The following CYP24A1 variants were observed in gnomAD, a reference collection of about 807,000 sequenced individuals.
The protein encoded by CYP24A1 is 1,25-dihydroxyvitamin D(3) 24-hydroxylase, mitochondrial.
Under a neutral mutation model 62.4 loss-of-function variants are expected in CYP24A1, and 68 were observed. That is an observed-to-expected ratio of 1.09 (90% CI 0.90 to 1.33). The LOEUF is 1.33. Ranked by LOEUF, CYP24A1 falls within the 40% of genes most tolerant of loss-of-function variation. CYP24A1 has a pLI of 0.00. For synonymous variants in CYP24A1, 267 were observed against 253.0 expected (o/e 1.06, Z -0.52); for missense variants, 787 against 653.0 (o/e 1.21, Z -2.24).
In CYP24A1 at chr20:54,173,135, C is replaced by T. The variant is rs956222171; in HGVS notation, c.259-36G>A. On this transcript the variant is annotated intron_variant, in intron 1 of 11. Coordinates refer to ENST00000216862, the MANE Select transcript of CYP24A1 (RefSeq NM_000782.5). This position sits in a 1 kb window ranked among gnomAD's most constrained non-coding sequence, Gnocchi z 7.2. ...CCGGGCACAGCGCGGTGTCAGCGCG[C>T]ATCCTCCGCCGTGCCCGAAGCGCTT... 2 of 1,596,716 alleles carry T rather than the reference C, an allele frequency of 1.3e-6. No individual in the cohort carries two copies. Among genetic ancestry groups the T allele is most frequent in the Admixed American group, 1.7e-5 (1 of 59,980 alleles).
At position 54,169,696 on chromosome 20, in the gene CYP24A1, G is replaced by C; in HGVS notation, c.544-8C>G. The C allele has an allele frequency of 6.2e-7, 1 of 1,613,904 alleles. No individual in the cohort carries two copies. The highest frequency in any genetic ancestry group is 8.5e-7 in the Non-Finnish European group (1 of 1,179,950). ...CATAAAATCGGCCAAGACCTTCAAA[G>C]AAAACAACCGCAAAAGACACATTTT... is the stretch of plus-strand genomic sequence containing the variant. On this transcript the variant is annotated splice_polypyrimidine_tract_variant and splice_region_variant and intron_variant, in intron 3 of 11. Transcript: ENST00000216862.
At chr20:54,157,005 GA>G (rs113497239) in intron 11 of CYP24A1, among the ~76,000 whole-genome samples, 163 bp downstream of exon 11, 166 of 143,402 alleles carry the variant, frequency 1.2e-3, no homozygotes, top group East Asian at 3.4e-3. Flanking sequence ...TTTTACAAAT[GA>G]AAAAAAAAAA....
the CYP24A1 span, among the ~76,000 whole-genome samples, chr20:54,144,671 T>C: frequency 2.0e-5 from 3 of 148,642 alleles, no homozygotes; most frequent in Non-Finnish European, 4.5e-5. Context: ...TATTAATATA[T>C]ATTATAGAAT....
chr20:54,164,408 G>A, intron 6 of CYP24A1, 44 bp downstream of exon 6: 1 of 1,613,696 alleles, frequency 6.2e-7, no homozygotes, highest in Admixed American at 1.7e-5. Flanking sequence ...CAGACACGGG[G>A]GTGCTGGGCT....
At chr20:54,159,468 C>T (rs1436665974) in intron 7 of CYP24A1, among the ~76,000 whole-genome samples, 5 of 148,922 alleles carry the variant, frequency 3.4e-5, no homozygotes, top group Non-Finnish European at 7.4e-5. Context: ...TATCTCGGCT[C>T]ACTGCAACCT....
intron 11 of CYP24A1, among the ~76,000 whole-genome samples, chr20:54,155,316 C>G (rs1212671835): frequency 6.6e-6 from 1 of 152,214 alleles, no homozygotes; most frequent in Non-Finnish European, 1.5e-5. Flanking sequence ...TGCTCCTTAA[C>G]TTGCCATTGG....
intron 4 of CYP24A1, 127 bp from the exon 5 acceptor site, chr20:54,165,960 C>A: frequency 1.4e-6 from 1 of 737,102 alleles, no homozygotes; most frequent in Non-Finnish European, 2.4e-6. Flanking sequence ...GAAAAGGCAA[C>A]AGTCCAAGAA....
At position 54,157,573 on chromosome 20, in the gene CYP24A1, G is replaced by C; in HGVS notation, c.1249C>G (p.Leu417Val). 6 of 1,578,696 alleles carry C rather than the reference G, an allele frequency of 3.8e-6. No homozygotes were observed. Among genetic ancestry groups the C allele is most frequent in the Non-Finnish European group, 5.2e-6 (6 of 1,147,904 alleles). ...YALPKGTVLM[L>V]NTQVLGSSED... ...CTGGATCCCAACACCTGGGTATTTAGCATGAGCACTGTCTAAACACATGCA... is the reference window on the plus strand; with the variant it reads ...CTGGATCCCAACACCTGGGTATTTACCATGAGCACTGTCTAAACACATGCA... The change falls in exon 10 of 12, where the codon CTA (leucine) becomes GTA (valine). Residue 417 changes from leucine to valine, a missense_variant. By Grantham distance (32) the Leu-to-Val change is conservative (BLOSUM62 1). Transcript: ENST00000216862.
At position 54,171,657 on chromosome 20, in the gene CYP24A1, A is replaced by G. The variant is rs748060893; in HGVS notation, c.463T>C (p.Trp155Arg). ...TGAAAGGCACTCCGGACCCGCTGCC[A>G]GTCTTCCCCTTCCCTGTGAGAGAAG... is the stretch of plus-strand genomic sequence containing the variant. ...YGLLILEGED[W>R]QRVRSAFQKK... is the part of the protein sequence containing the mutation. Residue 155 changes from tryptophan to arginine, a missense_variant, in exon 3 of 12, where the codon TGG becomes CGG. Trp to Arg is a moderately radical substitution (Grantham distance 101). Transcript: ENST00000216862. 1.2e-6 allele frequency: 2 copies of G among 1,613,950 alleles called. No individual in the cohort carries two copies. The highest frequency in any genetic ancestry group is 2.2e-5 in the East Asian group (1 of 44,876).
chr20:54,168,784 CTCCCTTCTGCCT>C (rs1385303463), intron 4 of CYP24A1, among the ~76,000 whole-genome samples: 1 of 92,942 alleles, frequency 1.1e-5, no homozygotes, highest in East Asian at 3.2e-4. Context: ...CCTTCCCTCC[CTCCCTTCTGCCT>C]TCCCTCCCTC....
At chr20:54,172,007 G>A in intron 2 of CYP24A1, 1 of 385,492 alleles carries the variant, frequency 2.6e-6, no homozygotes, top group Non-Finnish European at 4.9e-6. Context: ...GTAAAAGGGG[G>A]CATGTGAACA....
At chr20:54,171,904 C>T (rs998735583) in intron 2 of CYP24A1, 4 of 1,074,452 alleles carry the variant, frequency 3.7e-6, no homozygotes, top group Non-Finnish European at 5.0e-6. Flanking sequence ...AAAGATTGCA[C>T]CAAAAAGTTG....
intron 6 of CYP24A1, 25 bp downstream of exon 6, chr20:54,164,427 C>T: frequency 1.2e-6 from 2 of 1,613,920 alleles, no homozygotes; most frequent in South Asian, 2.2e-5. Flanking sequence ...CTGGTTCTGG[C>T]TGGTTGTGAA....
intron 11 of CYP24A1, among the ~76,000 whole-genome samples, chr20:54,156,735 A>G (rs1022248543): frequency 2.6e-5 from 4 of 152,234 alleles, no homozygotes; most frequent in African/African-American, 9.6e-5. Flanking sequence ...CAGCTCACTC[A>G]TTAGTTTACA....
chr20:54,165,240 C>T (rs1221018271), intron 5 of CYP24A1, among the ~76,000 whole-genome samples: 2 of 152,236 alleles, frequency 1.3e-5, no homozygotes, highest in African/African-American at 4.8e-5. Context: ...TCAATGGCTG[C>T]ATTAGATTCT....
At chr20:54,147,587 T>C in the CYP24A1 span, among the ~76,000 whole-genome samples, 2 of 152,226 alleles carry the variant, frequency 1.3e-5, no homozygotes. Flanking sequence ...ATCCCACAAC[T>C]GTTAAATGTT....
the CYP24A1 span, among the ~76,000 whole-genome samples, chr20:54,146,521 A>G: frequency 1.3e-5 from 2 of 152,236 alleles, no homozygotes; most frequent in Non-Finnish European, 2.9e-5. Context: ...ATGAAGGGGG[A>G]AAATTGATCT....
At chr20:54,156,610 C>T (rs574489181) in intron 11 of CYP24A1, among the ~76,000 whole-genome samples, 15 of 152,320 alleles carry the variant, frequency 9.8e-5, no homozygotes, top group East Asian at 7.7e-4. Flanking sequence ...ATAATTTTAG[C>T]CTGGAAGAGC....
At chr20:54,157,321 AC>A in intron 10 of CYP24A1, 32 bp from the exon 11 acceptor site, 1 of 1,478,814 alleles carries the variant, frequency 6.8e-7, no homozygotes, top group Non-Finnish European at 9.5e-7. Flanking sequence ...AAACAGAATT[AC>A]CCCTCTCTTC....
Sources: gnomAD v4.1 joint callset for allele counts (sites outside exome capture counted in the v4.1 genomes callset) on GRCh38, gnomAD v4.1.1 for gene constraint, Gnocchi (gnomAD v3.1) non-coding constraint, MANE v1.5 for transcripts, NCBI Gene and HGNC (gene_info 2026-07-23, HGNC 2026-07-21) for gene names.